Variants in RBM25 observed in about 807,000 individuals in gnomAD.
RBM25 encodes the protein RNA-binding protein 25.
A neutral mutation model predicts 120.7 loss-of-function variants in RBM25; 19 were observed. The ratio of observed to expected loss-of-function variants is 0.16; its 90% CI spans 0.11 to 0.23. RBM25 has a LOEUF of 0.23. Among genes scored for constraint, RBM25 ranks in the 10% least tolerant of loss-of-function variants. The pLI, the probability that RBM25 is intolerant of heterozygous loss-of-function variation, is 1.00. For missense variants in RBM25, 605 were observed against 1,041.5 expected (o/e 0.58, Z 5.77); for synonymous variants, 390 against 326.7 (o/e 1.19, Z -2.09).
At chr14:73,117,205 C>CTTTTATTTTTTTTTTTTTTTTTTTTTTT (rs1896448964) in intron 18 of RBM25, among the ~76,000 whole-genome samples, 2 of 36,562 alleles carry the variant, frequency 5.5e-5, no homozygotes, top group African/African-American at 2.0e-4. Flanking sequence ...TTTCTTTCTT[C>CTTTTATTTTTTTTTTTTTTTTTTTTTTT]TTTTCTTTTT....
Position 73,107,836 on chromosome 14 carries a change from C to T in RBM25, c.1478C>T (p.Ala493Val). The change falls in exon 13 of 19, where the codon GCT becomes GTT. Residue 493 changes from alanine (A) to valine (V), a missense_variant. Transcript: ENST00000261973. ...CTTATTTCCTCAAAGGCCAAAGAAG[C>T]TAAACGACTAAAAGAATTCTTAGAA... Reference protein sequence around the residue: ...EERRREMAKEAKRLKEFLEDY... With the variant: ...EERRREMAKEVKRLKEFLEDY... 1 of 1,595,724 alleles carries T rather than the reference C, an allele frequency of 6.3e-7. No homozygotes were observed. The highest frequency in any genetic ancestry group is 8.6e-7 in the Non-Finnish European group (1 of 1,167,018).
At chr14:73,110,734 T>A (rs938883630) in intron 14 of RBM25, 97 bp from the exon 15 acceptor site, 4 of 1,449,820 alleles carry the variant, frequency 2.8e-6, no homozygotes, top group Non-Finnish European at 3.7e-6. Context: ...TGGCCTTTTC[T>A]CTTTTCATAA....
At chr14:73,088,280 C>A (rs768208216) in intron 6 of RBM25, 119 bp downstream of exon 6, 2 of 1,278,114 alleles carry the variant, frequency 1.6e-6, no homozygotes, top group Non-Finnish European at 1.1e-6. Flanking sequence ...GTGCTTGTGG[C>A]TTAATGTAGG....
chr14:73,103,909 C>T (rs10133335), intron 10 of RBM25, among the ~76,000 whole-genome samples: 1 of 71,652 alleles, frequency 1.4e-5, no homozygotes, highest in African/African-American at 4.6e-5. Context: ...CTGTCTGTCT[C>T]TCTCTCTCTC....
intron 2 of RBM25, among the ~76,000 whole-genome samples, chr14:73,074,546 C>G (rs1895368638): frequency 6.6e-6 from 1 of 151,950 alleles, no homozygotes; most frequent in Non-Finnish European, 1.5e-5. Context: ...TCAGCCTGGA[C>G]AACATAGGGA....
intron 10 of RBM25, 148 bp from the exon 11 acceptor site, chr14:73,105,711 G>A (rs922640930): frequency 1.1e-4 from 129 of 1,208,170 alleles, no homozygotes; most frequent in Admixed American, 2.0e-4. Flanking sequence ...TGAGTGTAGA[G>A]GAGGTTACAT....
chr14:73,064,053 C>T (rs1020741308), intron 1 of RBM25, among the ~76,000 whole-genome samples: 4 of 151,250 alleles, frequency 2.6e-5, no homozygotes, highest in African/African-American at 9.7e-5. Flanking sequence ...ATAGGGCTTC[C>T]TGCCTCTGCC....
At chr14:73,068,921 A>AT (rs963691585) in intron 1 of RBM25, among the ~76,000 whole-genome samples, 2 of 151,806 alleles carry the variant, frequency 1.3e-5, no homozygotes, top group African/African-American at 4.8e-5. Flanking sequence ...TTTATTTTTT[A>AT]TTTTTTTAGA....
chr14:73,112,320 A>T (rs1896325300), intron 17 of RBM25, 70 bp downstream of exon 17: 1 of 1,377,284 alleles, frequency 7.3e-7, no homozygotes, highest in African/African-American at 1.5e-5. Flanking sequence ...TTCTTAAAAG[A>T]GCAGAAATTT....
intron 12 of RBM25, chr14:73,107,584 A>G: frequency 2.6e-6 from 1 of 383,758 alleles, no homozygotes; most frequent in Non-Finnish European, 4.6e-6. Context: ...TATTTAAACC[A>G]AATAGCTGAA....
rs1325381337 is a variant in RBM25, at chr14:73,123,303, T to C, written c.*3498T>C. 6.6e-6 allele frequency: 1 copy of C among 152,136 alleles called. No individual in the cohort carries two copies. The highest frequency in any genetic ancestry group is 1.5e-5 in the Non-Finnish European group (1 of 68,042). 9.4% of individuals were successfully genotyped at this position (152,136 alleles called of 1,614,324 possible). ...ATGGAATAAATTTAATGCAAATAAGTGTAAGCAGGTATACAATGTTTAGAT... is the reference window on the plus strand; with the variant it reads ...ATGGAATAAATTTAATGCAAATAAGCGTAAGCAGGTATACAATGTTTAGAT... On this transcript the variant is annotated 3_prime_UTR_variant, in exon 19 of 19. Transcript: ENST00000261973.
chr14:73,099,854 GT>G, intron 9 of RBM25, 104 bp downstream of exon 9: 6 of 1,377,778 alleles, frequency 4.4e-6, no homozygotes, highest in Non-Finnish European at 5.6e-6. Context: ...AATTTTAAAT[GT>G]TTTTTATAGG....
Position 73,111,076 on chromosome 14 carries a change from T to A in RBM25, c.1938T>A (p.Ile646=). ...CTGGGGATGAGTCTCCCTGTGGTAT[T>A]ATTATTCCTCATGAAAACTCACCAG... is the stretch of plus-strand genomic sequence containing the variant. ...NTPGDESPCG[I]IIPHENSPDQ... The change falls in exon 15 of 19, where the codon ATT becomes ATA. Residue 646 remains isoleucine, a synonymous_variant. Coordinates refer to ENST00000261973, the MANE Select transcript of RBM25 (RefSeq NM_021239.3). The A allele has an allele frequency of 6.2e-7, 1 of 1,614,186 alleles. No homozygotes were observed. Among genetic ancestry groups the A allele is most frequent in the Non-Finnish European group, 8.5e-7 (1 of 1,180,036 alleles).
At chr14:73,101,485 T>G (rs1350691291) in intron 9 of RBM25, 1 of 150,304 alleles carries the variant, frequency 6.7e-6, no homozygotes, top group Non-Finnish European at 1.5e-5. Flanking sequence ...TATGTTTACA[T>G]GTATACCTGT....
At chr14:73,074,815 C>T (rs1423677541) in intron 2 of RBM25, among the ~76,000 whole-genome samples, 3 of 150,696 alleles carry the variant, frequency 2.0e-5, no homozygotes, top group Non-Finnish European at 4.4e-5. Context: ...AAGTGATTCT[C>T]CTGATTCAGT....
At chr14:73,075,810 T>C (rs986371569) in intron 2 of RBM25, among the ~76,000 whole-genome samples, 1 of 152,084 alleles carries the variant, frequency 6.6e-6, no homozygotes, top group Admixed American at 6.6e-5. Flanking sequence ...TTTGGTCTTT[T>C]TTTTTTTTCC....
rs1176060847 is a variant in RBM25 at position 73,091,662 on chromosome 14, A to G, written c.543+3501A>G. Among the ~76,000 whole-genome samples the G allele has an allele frequency of 2.0e-5, 3 of 152,078 alleles. No individual in the cohort carries two copies. In the South Asian group the frequency reaches 6.2e-4, roughly 32 times the overall value. On this transcript the variant is annotated intron_variant, in intron 6 of 18. Transcript: ENST00000261973. ...CGAGGTCGGAGGATCACCTGAGGTC[A>G]GGAGTTTGAAACCAGCCTGGCCAAC...
intron 1 of RBM25, among the ~76,000 whole-genome samples, chr14:73,067,723 C>A (rs1422375921): frequency 6.6e-6 from 1 of 151,670 alleles, no homozygotes; most frequent in African/African-American, 2.4e-5. Flanking sequence ...CCTGCCTCAG[C>A]CTCCCTAGTA....
chr14:73,119,644 G>A, intron 18 of RBM25, 69 bp from the exon 19 acceptor site: 1 of 1,591,368 alleles, frequency 6.3e-7, no homozygotes, highest in South Asian at 1.2e-5. Flanking sequence ...TTTTTATACT[G>A]GCCACTGTTT....
Sources: gnomAD v4.1 joint callset for allele counts (sites outside exome capture counted in the v4.1 genomes callset) on GRCh38, gnomAD v4.1.1 for gene constraint, MANE v1.5 for transcripts, NCBI Gene and HGNC (gene_info 2026-07-23, HGNC 2026-07-21) for gene names.